The following MACROD2 variants were observed in gnomAD, a reference collection of about 807,000 sequenced individuals.
MACROD2 encodes ADP-ribose glycohydrolase MACROD2.
MACROD2 carries 36 observed loss-of-function variants against 70.4 expected under a neutral mutation model. That is an observed-to-expected ratio of 0.51 (90% CI 0.39 to 0.68). The LOEUF is 0.68. MACROD2 is among the 30% of genes least tolerant of loss of function. The probability of loss-of-function intolerance (pLI) is 0.00; values close to 1 mark genes in which losing one functional copy is unlikely to be tolerated. For synonymous variants in MACROD2, 172 were observed against 178.8 expected (o/e 0.96, Z 0.30); for missense variants, 496 against 538.4 (o/e 0.92, Z 0.78).
chr20:14,555,028 G>C lies in MACROD2; in HGVS notation c.301+61520G>C, dbSNP rs139213849. On this transcript the variant is annotated intron_variant, in intron 4 of 17. Transcript: ENST00000684519. The stretch of plus-strand genomic sequence containing the variant: ...TGGTATAAAAAAAAACAGAAAGAAT[G>C]AATAAGACATACTGTTTGATAGTAC... Among the ~76,000 whole-genome samples the C allele has an allele frequency of 1.3e-3, 204 of 151,966 alleles. 4 individuals carry two copies. Among genetic ancestry groups the C allele is most frequent in the Non-Finnish European group, 7.7e-4 (52 of 67,934 alleles).
chr20:14,780,267 A>T (rs1398846195), intron 5 of MACROD2, among the ~76,000 whole-genome samples: 1 of 151,194 alleles, frequency 6.6e-6, no homozygotes, highest in Admixed American at 6.6e-5. Context: ...AAGTGCTCTT[A>T]AAAGTGAAAA....
chr20:14,457,362 ACTGT>A (rs1448665210), intron 3 of MACROD2, among the ~76,000 whole-genome samples: 3 of 152,122 alleles, frequency 2.0e-5, no homozygotes, highest in African/African-American at 2.4e-5. Context: ...TTTGGTCTAG[ACTGT>A]CTGAGTTTAC....
intron 8 of MACROD2, among the ~76,000 whole-genome samples, chr20:15,632,873 A>C (rs1184304199): frequency 3.2e-4 from 39 of 121,954 alleles, no homozygotes; most frequent in East Asian, 7.1e-4. Flanking sequence ...TTCCTTTTCT[A>C]CTCTCTTCCT....
At chr20:14,086,035 T>C (rs2054073266) in intron 3 of MACROD2, among the ~76,000 whole-genome samples, 1 of 152,210 alleles carries the variant, frequency 6.6e-6, no homozygotes, top group Admixed American at 6.5e-5. Flanking sequence ...TTATTGTTAC[T>C]TTCGTAGCTT....
At chr20:14,280,279 T>C (rs993913351) in intron 3 of MACROD2, among the ~76,000 whole-genome samples, 12 of 152,172 alleles carry the variant, frequency 7.9e-5, no homozygotes, top group Admixed American at 4.6e-4. Context: ...TTAGCCACAT[T>C]CGTAGTTACT....
chr20:14,774,415 G>A (rs1313685290), intron 5 of MACROD2, among the ~76,000 whole-genome samples: 1 of 151,910 alleles, frequency 6.6e-6, no homozygotes, highest in Non-Finnish European at 1.5e-5. Context: ...TCTATATTGG[G>A]GTAAGAGAAC....
At chr20:15,824,632 C>G (rs951020557) in intron 8 of MACROD2, among the ~76,000 whole-genome samples, 13 of 152,164 alleles carry the variant, frequency 8.5e-5, no homozygotes, top group Non-Finnish European at 1.9e-4. Flanking sequence ...GAGCTTAACA[C>G]CAGTGTAGCC....
intron 8 of MACROD2, among the ~76,000 whole-genome samples, chr20:15,590,080 A>AAAT (rs2048657252): frequency 1.3e-5 from 2 of 152,230 alleles, no homozygotes; most frequent in Non-Finnish European, 2.9e-5. Flanking sequence ...AAATACATAA[A>AAAT]AATACTTAGT....
chr20:15,163,818 C>T (rs370493180), intron 5 of MACROD2, among the ~76,000 whole-genome samples: 1 of 151,944 alleles, frequency 6.6e-6, no homozygotes, highest in East Asian at 1.9e-4. Flanking sequence ...AAAGCTGACT[C>T]ATGTTATAGG....
At chr20:14,034,225 C>T (rs1414712470) in intron 2 of MACROD2, among the ~76,000 whole-genome samples, 2 of 152,184 alleles carry the variant, frequency 1.3e-5, no homozygotes, top group East Asian at 1.9e-4. Context: ...CCGCCCGCCT[C>T]AGCCTCCCAA....
intron 7 of MACROD2, among the ~76,000 whole-genome samples, chr20:15,446,686 C>T (rs1309959835): frequency 1.3e-5 from 2 of 152,176 alleles, no homozygotes; most frequent in Non-Finnish European, 2.9e-5. Flanking sequence ...TCCAAGCTTC[C>T]GCAAGTTCTG....
intron 3 of MACROD2, among the ~76,000 whole-genome samples, chr20:14,398,650 T>C (rs543145665): frequency 6.6e-6 from 1 of 152,178 alleles, no homozygotes; most frequent in African/African-American, 2.4e-5. Context: ...GCTCCTTATA[T>C]ATTCTGGATA....
rs141995391 is a variant in MACROD2 at position 14,695,527 on chromosome 20, C to G, written c.418+10568C>G. Among the ~76,000 whole-genome samples, 667 of 152,284 alleles carry G rather than the reference C, an allele frequency of 4.4e-3. 8 individuals are homozygous for G. Among genetic ancestry groups the G allele is most frequent in the African/African-American group, 0.015 (630 of 41,554 alleles). On this transcript the variant is annotated intron_variant, in intron 5 of 17. Coordinates refer to ENST00000684519, the MANE Select transcript of MACROD2 (RefSeq NM_001351661.2). ...CTATCTGGAGTCACCATTTAATTCA[C>G]TACATACTCTCTCTGAGCATGGCCA...
chr20:15,767,662 G>A (rs1247266768), intron 8 of MACROD2, among the ~76,000 whole-genome samples: 1 of 152,126 alleles, frequency 6.6e-6, no homozygotes, highest in Admixed American at 6.6e-5. Flanking sequence ...CTTATAGATT[G>A]TGTTAGATCA....
chr20:15,830,206 T>C (rs944675761), intron 8 of MACROD2, among the ~76,000 whole-genome samples: 4 of 152,164 alleles, frequency 2.6e-5, no homozygotes, highest in Admixed American at 6.6e-5. Flanking sequence ...ATATCCATAC[T>C]TCAATAAAAC....
At chr20:15,575,934 C>T (rs2048441642) in intron 8 of MACROD2, among the ~76,000 whole-genome samples, 1 of 152,140 alleles carries the variant, frequency 6.6e-6, no homozygotes, top group Non-Finnish European at 1.5e-5. Flanking sequence ...TTTTAAAACA[C>T]ATTTCAATCA....
In MACROD2 at chr20:15,455,672, G is replaced by A. The variant is rs142499232; in HGVS notation, c.571+24237G>A. ...GAAATCTTTTTGTAATGGGAAGACT[G>A]TGAAATTATAGTTGTGAAATTTGAT... is the stretch of plus-strand genomic sequence containing the variant. On this transcript the variant is annotated intron_variant, in intron 7 of 17. Coordinates refer to ENST00000684519, the MANE Select transcript of MACROD2 (RefSeq NM_001351661.2). 8.4e-3 allele frequency among the ~76,000 whole-genome samples: 1,277 copies of A among 152,238 alleles called. 20 individuals carry two copies. Among genetic ancestry groups the A allele is most frequent in the African/African-American group, 0.028 (1,173 of 41,546 alleles).
intron 3 of MACROD2, among the ~76,000 whole-genome samples, chr20:14,089,604 A>G (rs1352169152): frequency 1.3e-5 from 2 of 152,168 alleles, no homozygotes; most frequent in Non-Finnish European, 2.9e-5. Context: ...CTTGTGTATT[A>G]TATTCTTCTC....
chr20:15,138,208 A>G (rs1171357477), intron 5 of MACROD2, among the ~76,000 whole-genome samples: 1 of 152,134 alleles, frequency 6.6e-6, no homozygotes, highest in East Asian at 1.9e-4. Context: ...TGATTCCTTT[A>G]AAGTGTCTGT....
Sources: gnomAD v4.1 joint callset for allele counts (sites outside exome capture counted in the v4.1 genomes callset) on GRCh38, gnomAD v4.1.1 for gene constraint, MANE v1.5 for transcripts, NCBI Gene and HGNC (gene_info 2026-07-23, HGNC 2026-07-21) for gene names.